RTF1: variants seen among roughly 807,000 people sequenced by gnomAD.
RTF1 encodes RTF1 homolog, Paf1/RNA polymerase II complex component.
RTF1 carries 10 observed loss-of-function variants against 95.7 expected under a neutral mutation model. The observed-to-expected ratio is 0.10, with a 90% CI of 0.06 to 0.18. The LOEUF (loss-of-function observed/expected upper bound fraction) is 0.18. Among genes scored for constraint, RTF1 ranks in the 10% least tolerant of loss-of-function variants. The pLI is 1.00. For synonymous variants in RTF1, 305 were observed against 311.8 expected, an observed-to-expected ratio of 0.98 and a Z score of 0.23; for missense variants, 458 against 875.6, an observed-to-expected ratio of 0.52 and a Z score of 6.02.
At chr15:41,445,593 CTG>C (rs1488267043) in intron 2 of RTF1, among the ~76,000 whole-genome samples, 6 of 152,130 alleles carry the variant, frequency 3.9e-5, no homozygotes, top group Non-Finnish European at 7.4e-5. Context: ...TGTACTTTAT[CTG>C]ATTACACAGT....
chr15:41,453,350 A>G (rs1040989901), intron 3 of RTF1, among the ~76,000 whole-genome samples: 6 of 152,102 alleles, frequency 3.9e-5, no homozygotes, highest in East Asian at 1.9e-4. Context: ...TTGCTTATGC[A>G]TAGTCTGACT....
Position 41,450,508 on chromosome 15 carries a change from C to T in RTF1, c.310-2393C>T, listed in dbSNP as rs570533928. Among the ~76,000 whole-genome samples, 17 of 151,176 alleles carry T rather than the reference C, an allele frequency of 1.1e-4. No homozygotes were observed. In the South Asian group the frequency reaches 2.3e-3, roughly 20 times the overall value. On this transcript the variant is annotated intron_variant, in intron 2 of 17. Transcript: ENST00000389629. ...GCTGAGGCAGGACAATGGCGTGAAC[C>T]GGGGAGGCGGAGCTTGCAGTGAGCC...
At chr15:41,418,706 A>G (rs1374644973) in intron 1 of RTF1, among the ~76,000 whole-genome samples, 2 of 147,856 alleles carry the variant, frequency 1.4e-5, no homozygotes, top group Non-Finnish European at 3.0e-5. Flanking sequence ...GCTACTCGGG[A>G]GGCTGAGGCA....
rs1167063460 is a variant in RTF1, at chr15:41,457,682, A to G, written c.468A>G (p.Ser156=). Residue 156 remains serine, a synonymous_variant, in exon 4 of 18, where the codon TCA becomes TCG. Coordinates refer to ENST00000389629, the MANE Select transcript of RTF1 (RefSeq NM_015138.5). The stretch of plus-strand genomic sequence containing the variant: ...GGGCCTTTGTTGCAGGTGAAGTGTC[A>G]GACTCTGACAGCAACAGCTCCTCTT... ...ESSAPEEGEV[S]DSDSNSSSSS... 1 of 1,614,140 alleles carries G rather than the reference A, an allele frequency of 6.2e-7. No homozygotes were observed. The highest frequency in any genetic ancestry group is 8.5e-7 in the Non-Finnish European group (1 of 1,180,008).
chr15:41,476,936 G>A (rs892295940), intron 12 of RTF1, among the ~76,000 whole-genome samples: 6 of 152,204 alleles, frequency 3.9e-5, no homozygotes, highest in African/African-American at 1.4e-4. Context: ...TGCCACCAGG[G>A]ACCCACAGCC....
intron 3 of RTF1, among the ~76,000 whole-genome samples, chr15:41,456,769 G>A (rs1484846154): frequency 3.3e-5 from 5 of 151,062 alleles, no homozygotes; most frequent in Non-Finnish European, 2.9e-5. Context: ...CAGCCTGGGT[G>A]ACAAGCAAAA....
chr15:41,464,898 G>T lies in RTF1; in HGVS notation c.777+13G>T. 6.6e-7 allele frequency: 1 copy of T among 1,522,600 alleles called. No individual in the cohort carries two copies. Among genetic ancestry groups the T allele is most frequent in the Non-Finnish European group, 8.8e-7 (1 of 1,139,844 alleles). The allele number at this position is 1,522,600 out of a possible 1,614,324, so 94.3% of individuals were successfully genotyped here. On this transcript the variant is annotated intron_variant, in intron 5 of 17. Coordinates refer to ENST00000389629, the MANE Select transcript of RTF1 (RefSeq NM_015138.5). ...TCAAGAATCTCAGGTAGGAGATTCA[G>T]TGTTCCTCATTGTCCAAAGAATAAA...
At chr15:41,438,589 T>G (rs1326364267) in intron 2 of RTF1, among the ~76,000 whole-genome samples, 158 bp downstream of exon 2, 1 of 152,154 alleles carries the variant, frequency 6.6e-6, no homozygotes, top group Non-Finnish European at 1.5e-5. Flanking sequence ...GGCCGGGCGC[T>G]GTGGCTCTCT....
intron 3 of RTF1, among the ~76,000 whole-genome samples, chr15:41,456,683 G>A (rs761578946): frequency 1.3e-5 from 2 of 151,004 alleles, no homozygotes; most frequent in East Asian, 2.0e-4. Flanking sequence ...TGAGCTACTC[G>A]GGAGTCTGAG....
At chr15:41,424,500 A>G (rs1024239484) in intron 1 of RTF1, among the ~76,000 whole-genome samples, 1 of 152,200 alleles carries the variant, frequency 6.6e-6, no homozygotes, top group African/African-American at 2.4e-5. Context: ...GTACAAATGA[A>G]ACTGTAGAGG....
intron 8 of RTF1, 32 bp from the exon 9 acceptor site, chr15:41,474,588 G>T: frequency 6.5e-7 from 1 of 1,527,582 alleles, no homozygotes; most frequent in Non-Finnish European, 9.1e-7. Flanking sequence ...GAAGAGTCTG[G>T]TTTTGACTGG....
intron 1 of RTF1, 44 bp downstream of exon 1, chr15:41,417,357 C>CT (rs1468233515): frequency 2.4e-6 from 3 of 1,242,274 alleles, no homozygotes; most frequent in African/African-American, 3.1e-5. Flanking sequence ...AGCCAGAGGG[C>CT]TGTCGGGGCC....
At chr15:41,466,582 A>G (rs537296619) in intron 6 of RTF1, among the ~76,000 whole-genome samples, 4 of 152,360 alleles carry the variant, frequency 2.6e-5, no homozygotes, top group South Asian at 4.1e-4. Context: ...TAGAAATAAC[A>G]ATGAACTCTT....
At chr15:41,464,091 C>G (rs2140963815) in intron 4 of RTF1, among the ~76,000 whole-genome samples, 1 of 151,132 alleles carries the variant, frequency 6.6e-6, no homozygotes, top group Non-Finnish European at 1.5e-5. Context: ...ACCTCGTGAT[C>G]CGTCCACCTT....
At chr15:41,435,378 G>GTT (rs552422941) in intron 1 of RTF1, among the ~76,000 whole-genome samples, 2 of 141,798 alleles carry the variant, frequency 1.4e-5, no homozygotes, top group African/African-American at 5.1e-5. Flanking sequence ...TTTTTGTTTT[G>GTT]TTTTTTTTTT....
intron 2 of RTF1, among the ~76,000 whole-genome samples, chr15:41,448,301 C>T (rs2050773070): frequency 6.6e-6 from 1 of 151,936 alleles, no homozygotes; most frequent in African/African-American, 2.4e-5. Context: ...GACTGGCTTC[C>T]AGATTTTTTA....
chr15:41,444,687 TC>T (rs551361400), intron 2 of RTF1, among the ~76,000 whole-genome samples: 1 of 152,164 alleles, frequency 6.6e-6, no homozygotes, highest in African/African-American at 2.4e-5. Flanking sequence ...TTCCAAAATA[TC>T]CAGCTGTGTG....
intron 5 of RTF1, 46 bp downstream of exon 5, chr15:41,464,931 T>TGA: frequency 7.0e-7 from 1 of 1,434,656 alleles, no homozygotes; most frequent in Non-Finnish European, 9.1e-7. Flanking sequence ...AAACCTGTTT[T>TGA]GAGTGTGTGT....
chr15:41,452,397 A>G (rs774258697), intron 2 of RTF1, among the ~76,000 whole-genome samples: 2 of 152,130 alleles, frequency 1.3e-5, no homozygotes, highest in Non-Finnish European at 2.9e-5. Flanking sequence ...AGATCGCACC[A>G]CTGCACTCTA....
Sources: gnomAD v4.1 joint callset for allele counts (sites outside exome capture counted in the v4.1 genomes callset) on GRCh38, gnomAD v4.1.1 for gene constraint, MANE v1.5 for transcripts, NCBI Gene and HGNC (gene_info 2026-07-23, HGNC 2026-07-21) for gene names.